Variants in CLNK observed in about 807,000 individuals in gnomAD.
CLNK encodes the protein cytokine-dependent hematopoietic cell linker.
CLNK carries 74 observed loss-of-function variants against 68.6 expected under a neutral mutation model. The observed-to-expected ratio is 1.08, with a 90% CI of 0.89 to 1.31. The LOEUF is 1.31. Ranked by LOEUF, CLNK falls within the 50% of genes most tolerant of loss-of-function variation. CLNK has a pLI of 0.00. For synonymous variants in CLNK, 198 were observed against 172.2 expected, an observed-to-expected ratio of 1.15 and a Z score of -1.17; for missense variants, 553 against 515.3, an observed-to-expected ratio of 1.07 and a Z score of -0.71.
chr4:10,618,473 C>T (rs992430089), intron 2 of CLNK, among the ~76,000 whole-genome samples: 1 of 152,140 alleles, frequency 6.6e-6, no homozygotes, highest in Non-Finnish European at 1.5e-5. Context: ...GGTGAATTTA[C>T]TAAAGAATCA....
At chr4:10,513,695 A>G in intron 15 of CLNK, 98 bp from the exon 16 acceptor site, 4 of 1,206,404 alleles carry the variant, frequency 3.3e-6, no homozygotes, top group Non-Finnish European at 4.5e-6. Context: ...TCCTTCCTAT[A>G]TCTGTGAGGA....
chr4:10,713,368 T>G, the CLNK span, among the ~76,000 whole-genome samples: 1 of 152,128 alleles, frequency 6.6e-6, no homozygotes. Context: ...ATGAGTGCCA[T>G]GAACAACAGA....
chr4:10,543,522 C>T (rs537652817), intron 8 of CLNK, among the ~76,000 whole-genome samples: 5 of 152,266 alleles, frequency 3.3e-5, no homozygotes, highest in South Asian at 4.1e-4. Flanking sequence ...CTGGAAGTCC[C>T]GTGGTGCCTG....
At chr4:10,686,272 A>G (rs1454629310), upstream of CLNK, among the ~76,000 whole-genome samples, 2 of 152,028 alleles carry the variant, frequency 1.3e-5, no homozygotes, top group Non-Finnish European at 2.9e-5. Context: ...TAATTACCCA[A>G]TTTTAACTTG....
chr4:10,561,434 T>A (rs944738046), intron 7 of CLNK, among the ~76,000 whole-genome samples: 1 of 152,230 alleles, frequency 6.6e-6, no homozygotes, highest in Non-Finnish European at 1.5e-5. Flanking sequence ...GAGTAAAGGC[T>A]TAAATCCTGG....
rs1560243315 is a variant in CLNK, at chr4:10,615,460, T to G, written c.12-17411A>C. On this transcript the variant is annotated intron_variant, in intron 2 of 18. Transcript: ENST00000226951. ...TGAATCTGGGAGGCGGAGGTTGCAG[T>G]AAGCAGAGGTCGTGCCGCCGCACTC... Among the ~76,000 whole-genome samples, 4 of 152,022 alleles carry G rather than the reference T, an allele frequency of 2.6e-5. No homozygotes were observed. The South Asian group carries it at 8.3e-4, about 32-fold the overall frequency.
intron 2 of CLNK, among the ~76,000 whole-genome samples, chr4:10,633,158 G>A (rs183758110): frequency 2.0e-5 from 3 of 152,234 alleles, no homozygotes; most frequent in East Asian, 3.9e-4. Flanking sequence ...GGCTGGTCTC[G>A]AACTCCTGAC....
chr4:10,637,729 G>A (rs1723149213), intron 2 of CLNK, among the ~76,000 whole-genome samples: 1 of 150,922 alleles, frequency 6.6e-6, no homozygotes, highest in Admixed American at 6.6e-5. Context: ...CGAGTAGCTG[G>A]GACTACAGGT....
intron 2 of CLNK, among the ~76,000 whole-genome samples, chr4:10,609,377 G>T (rs1167952257): frequency 6.6e-6 from 1 of 152,148 alleles, no homozygotes; most frequent in Non-Finnish European, 1.5e-5. Context: ...CCAGTCCCTG[G>T]GGTCCACCTG....
chr4:10,699,849 T>C, the CLNK span, among the ~76,000 whole-genome samples: 2 of 152,214 alleles, frequency 1.3e-5, no homozygotes, highest in East Asian at 3.9e-4. Flanking sequence ...AGATTACTTA[T>C]AATACTTAAT....
chr4:10,693,608 C>G, the CLNK span, among the ~76,000 whole-genome samples: 1 of 152,216 alleles, frequency 6.6e-6, no homozygotes, highest in East Asian at 1.9e-4. Flanking sequence ...CTCCAGAACC[C>G]TGAGAGGACT....
intron 8 of CLNK, among the ~76,000 whole-genome samples, chr4:10,557,410 G>A (rs1248441001): frequency 3.9e-5 from 6 of 152,136 alleles, no homozygotes; most frequent in Admixed American, 2.6e-4. Flanking sequence ...AGAGAGATGG[G>A]GCATTTACTC....
chr4:10,609,866 A>G (rs1305376447), intron 2 of CLNK, among the ~76,000 whole-genome samples: 4 of 152,112 alleles, frequency 2.6e-5, no homozygotes, highest in Non-Finnish European at 5.9e-5. Context: ...ATGAGATCCT[A>G]TGAAGTGAAA....
upstream of CLNK, among the ~76,000 whole-genome samples, chr4:10,686,328 G>A (rs1388028118): frequency 1.3e-5 from 2 of 152,080 alleles, no homozygotes; most frequent in South Asian, 2.1e-4. Context: ...GGCATTCCAA[G>A]GTAGTGGGGG....
At chr4:10,604,055 T>C (rs796931024) in intron 2 of CLNK, among the ~76,000 whole-genome samples, 15 of 152,328 alleles carry the variant, frequency 9.8e-5, no homozygotes, top group African/African-American at 3.6e-4. Flanking sequence ...AATGCAGCTA[T>C]GCCAACTGAA....
At chr4:10,539,451 T>G (rs1718930354) in intron 11 of CLNK, among the ~76,000 whole-genome samples, 1 of 152,204 alleles carries the variant, frequency 6.6e-6, no homozygotes, top group South Asian at 2.1e-4. Flanking sequence ...TCTCACTAAA[T>G]AATGCCTGTG....
At chr4:10,492,268 G>A (rs780379018) in intron 18 of CLNK, among the ~76,000 whole-genome samples, 1 of 152,148 alleles carries the variant, frequency 6.6e-6, no homozygotes, top group Non-Finnish European at 1.5e-5. Flanking sequence ...CCTATAGCTT[G>A]TGACCTCTGA....
chr4:10,708,523 G>A, the CLNK span, among the ~76,000 whole-genome samples: 234 of 152,282 alleles, frequency 1.5e-3, no homozygotes, highest in African/African-American at 5.4e-3. Context: ...ATATACAACA[G>A]CATGTTAGCA....
At chr4:10,674,920 G>C (rs1490242364) in intron 1 of CLNK, among the ~76,000 whole-genome samples, 1 of 151,268 alleles carries the variant, frequency 6.6e-6, no homozygotes, top group Non-Finnish European at 1.5e-5. Flanking sequence ...CCGTGTTCAT[G>C]TTCATGAGAA....
Sources: gnomAD v4.1 joint callset for allele counts (sites outside exome capture counted in the v4.1 genomes callset) on GRCh38, gnomAD v4.1.1 for gene constraint, MANE v1.5 for transcripts, NCBI Gene and HGNC (gene_info 2026-07-23, HGNC 2026-07-21) for gene names.